Variants in NELL2 observed in about 807,000 individuals in gnomAD.
NELL2 encodes protein kinase C-binding protein NELL2.
NELL2 carries 41 observed loss-of-function variants against 109.6 expected under a neutral mutation model. The ratio of observed to expected loss-of-function variants is 0.37; its 90% confidence interval spans 0.29 to 0.49. The LOEUF (loss-of-function observed/expected upper bound fraction) is 0.49. Among genes scored for constraint, NELL2 ranks in the 20% least tolerant of loss-of-function variants. NELL2 has a pLI of 0.98. For missense variants in NELL2, 900 were observed against 1,008.3 expected (o/e 0.89, Z 1.45); for synonymous variants, 355 against 344.7 (o/e 1.03, Z -0.33).
chr12:44,873,384 C>T (rs1945220520), intron 2 of NELL2, among the ~76,000 whole-genome samples: 1 of 152,018 alleles, frequency 6.6e-6, no homozygotes, highest in African/African-American at 2.4e-5. Context: ...AAGAATTTGA[C>T]AATTTAAATA....
intron 12 of NELL2, among the ~76,000 whole-genome samples, chr12:44,702,668 A>G (rs1429541290): frequency 6.6e-6 from 1 of 152,190 alleles, no homozygotes; most frequent in East Asian, 1.9e-4. Flanking sequence ...TTTTAAATAA[A>G]TCTGCATTAT....
chr12:44,530,812 G>C (rs1942017628), intron 16 of NELL2, among the ~76,000 whole-genome samples: 1 of 152,154 alleles, frequency 6.6e-6, no homozygotes, highest in South Asian at 2.1e-4. Context: ...TTCAATATAA[G>C]AAGAGCACAG....
At chr12:44,775,971 A>G (rs1312276299) in intron 8 of NELL2, 51 bp downstream of exon 8, 5 of 1,578,198 alleles carry the variant, frequency 3.2e-6, no homozygotes, top group South Asian at 1.2e-5. Flanking sequence ...AAATTTTTAA[A>G]GAGTGGGAGC....
intron 12 of NELL2, among the ~76,000 whole-genome samples, chr12:44,682,797 T>G (rs1256921735): frequency 2.6e-5 from 4 of 152,160 alleles, no homozygotes; most frequent in African/African-American, 9.6e-5. Context: ...TTGGTACCAG[T>G]ACCATGCTGT....
intron 15 of NELL2, among the ~76,000 whole-genome samples, chr12:44,540,578 T>G (rs897668223): frequency 6.6e-6 from 1 of 152,114 alleles, no homozygotes; most frequent in Admixed American, 6.6e-5. Flanking sequence ...ATGAGCAGAT[T>G]GCTGAAAGCA....
At chr12:44,748,037 T>C (rs1280930101) in intron 9 of NELL2, among the ~76,000 whole-genome samples, 1 of 152,154 alleles carries the variant, frequency 6.6e-6, no homozygotes, top group African/African-American at 2.4e-5. Context: ...TGACTCTCAC[T>C]TGTATCATCT....
upstream of NELL2, chr12:44,876,887 G>C: frequency 3.1e-6 from 4 of 1,286,274 alleles, no homozygotes; most frequent in Non-Finnish European, 3.9e-6. Flanking sequence ...GGAAGCCCCG[G>C]GTGTCCTGGT....
intron 1 of NELL2, among the ~76,000 whole-genome samples, chr12:44,882,573 G>A (rs1275090744): frequency 1.3e-5 from 2 of 151,398 alleles, no homozygotes; most frequent in African/African-American, 4.9e-5. Context: ...TGTCACTCAG[G>A]CCGGAATGCA....
chr12:44,714,062 A>T (rs1221814682), intron 10 of NELL2, among the ~76,000 whole-genome samples: 2 of 151,952 alleles, frequency 1.3e-5, no homozygotes, highest in African/African-American at 2.4e-5. Flanking sequence ...AAAGACAAAC[A>T]TGAAAAGTGT....
At chr12:44,518,480 T>C (rs149395329) in intron 19 of NELL2, among the ~76,000 whole-genome samples, 4,199 of 152,098 alleles carry the variant, frequency 0.028, 68 homozygotes, top group Non-Finnish European at 0.04. Flanking sequence ...CTCCTGACCT[T>C]GTGATCCGCC....
intron 15 of NELL2, among the ~76,000 whole-genome samples, chr12:44,540,781 C>CAAAAAAGAAAAAAA (rs1942519025): frequency 2.0e-5 from 1 of 49,750 alleles, no homozygotes; most frequent in African/African-American, 8.3e-5. Flanking sequence ...GTCTGCAAGC[C>CAAAAAAGAAAAAAA]AAAAAAAAAA....
chr12:44,665,582 T>C lies in NELL2; in HGVS notation c.1346A>G (p.His449Arg). Residue 449 changes from histidine (H) to arginine (R), a missense_variant, in exon 13 of 20, where the codon CAT becomes CGT. Coordinates refer to ENST00000429094, the MANE Select transcript of NELL2 (RefSeq NM_001145108.2). Reference sequence around the variant, plus strand: ...ACACATTGTATTTTCACGACAGTAATGGCGCCCTTCAGCACACTCATCGAT... The same window carrying C: ...ACACATTGTATTTTCACGACAGTAACGGCGCCCTTCAGCACACTCATCGAT... Reference protein sequence around the residue: ...EDIDECAEGRHYCRENTMCVN... With the variant: ...EDIDECAEGRRYCRENTMCVN... The C allele has an allele frequency of 1.2e-6, 2 of 1,613,364 alleles. No homozygotes were observed. The highest frequency in any genetic ancestry group is 4.5e-5 in the East Asian group (2 of 44,862).
At chr12:44,674,580 A>G (rs1405572395) in intron 12 of NELL2, among the ~76,000 whole-genome samples, 1 of 152,208 alleles carries the variant, frequency 6.6e-6, no homozygotes, top group African/African-American at 2.4e-5. Context: ...AATTATGGGA[A>G]AGGGGACATA....
At chr12:44,708,818 T>C (rs1204177774) in intron 11 of NELL2, among the ~76,000 whole-genome samples, 1 of 152,212 alleles carries the variant, frequency 6.6e-6, no homozygotes, top group Non-Finnish European at 1.5e-5. Context: ...CTATCAGTTA[T>C]ATCAGAATCT....
At chr12:44,601,854 A>C (rs1307003310) in intron 15 of NELL2, among the ~76,000 whole-genome samples, 3 of 152,180 alleles carry the variant, frequency 2.0e-5, no homozygotes, top group South Asian at 2.1e-4. Flanking sequence ...GAAAAGGGTC[A>C]CATAGCTGGC....
chr12:44,553,491 AT>A (rs539403418), intron 15 of NELL2, among the ~76,000 whole-genome samples: 341 of 152,190 alleles, frequency 2.2e-3, no homozygotes, highest in African/African-American at 7.9e-3. Flanking sequence ...CTCTTCTCCT[AT>A]TTTTTTAAAA....
intron 15 of NELL2, among the ~76,000 whole-genome samples, chr12:44,576,704 C>T (rs1284569585): frequency 6.6e-6 from 1 of 152,126 alleles, no homozygotes; most frequent in East Asian, 1.9e-4. Context: ...CCCCCCACCA[C>T]CCCACAACAG....
At position 44,630,771 on chromosome 12, in the gene NELL2, T is replaced by C. The variant is rs1190536884; in HGVS notation, c.1445-19801A>G. Among the ~76,000 whole-genome samples the C allele has an allele frequency of 3.3e-5, 5 of 152,078 alleles. No individual in the cohort carries two copies. In the South Asian group the frequency reaches 8.3e-4, roughly 25 times the overall value. On this transcript the variant is annotated intron_variant, in intron 13 of 19. Transcript: ENST00000429094. ...ATAACTGGTGGAAGTGTGAGCTAAT[T>C]TTAAAAAAGGATACCCCGAGAAAGT...
At chr12:44,587,284 A>AAAAAAAAATATATAT in intron 15 of NELL2, among the ~76,000 whole-genome samples, 9 of 72,210 alleles carry the variant, frequency 1.2e-4, no homozygotes, top group Non-Finnish European at 1.9e-4. Context: ...AAAAAAAAAA[A>AAAAAAAAATATATAT]ATATATATAT....
Sources: allele counts gnomAD v4.1 joint callset (sites outside exome capture counted in the v4.1 genomes callset), GRCh38; gene constraint gnomAD v4.1.1; transcripts MANE v1.5; gene names NCBI Gene and HGNC (gene_info 2026-07-23, HGNC 2026-07-21).